The following ASB4 variants were observed in gnomAD, a reference collection of about 807,000 sequenced individuals.
ASB4 encodes the protein ankyrin repeat and SOCS box containing 4.
In ASB4, 35 loss-of-function variants were observed where a neutral mutation model predicts 38.6. The observed-to-expected ratio is 0.91, with a 90% CI of 0.69 to 1.20. The LOEUF (loss-of-function observed/expected upper bound fraction) is 1.20. Ranked by LOEUF, ASB4 falls within the 50% of genes most tolerant of loss-of-function variation. ASB4 has a pLI of 0.00. For missense variants in ASB4, 557 were observed against 527.2 expected (o/e 1.06, Z -0.55); for synonymous variants, 195 against 201.3 (o/e 0.97, Z 0.26).
chr7:95,520,329 C>G lies in ASB4; in HGVS notation c.488-7484C>G, dbSNP rs983121301. On this transcript the variant is annotated intron_variant, in intron 2 of 4. Transcript: ENST00000325885. The stretch of plus-strand genomic sequence containing the variant: ...CCAACTCTTCCAGCCAACTAAGAGA[C>G]TGAACAAAGTGAAAACAATTAACAC... Among the ~76,000 whole-genome samples, 36 of 152,124 alleles carry G rather than the reference C, an allele frequency of 2.4e-4. 1 individual carries two copies. Among genetic ancestry groups the G allele is most frequent in the Non-Finnish European group, 1.5e-5 (1 of 68,032 alleles).
chr7:95,543,179 A>G (rs1232328376), downstream of ASB4: 1 of 152,284 alleles, frequency 6.6e-6, no homozygotes, highest in Non-Finnish European at 1.5e-5. Flanking sequence ...TCAGGAAGCA[A>G]GACATACAAA....
intron 2 of ASB4, among the ~76,000 whole-genome samples, chr7:95,502,069 G>A (rs376873570): frequency 3.2e-4 from 49 of 150,842 alleles, no homozygotes; most frequent in African/African-American, 1.1e-3. Context: ...CTTACTATAC[G>A]CAGAAGTTTT....
At chr7:95,496,123 C>T (rs1790245138) in intron 2 of ASB4, 66 bp downstream of exon 2, 1 of 1,425,756 alleles carries the variant, frequency 7.0e-7, no homozygotes, top group Non-Finnish European at 9.7e-7. Flanking sequence ...GACTTTGTGA[C>T]CCCTACCTAC....
At chr7:95,547,928 G>A in the ASB4 span, among the ~76,000 whole-genome samples, 2 of 152,178 alleles carry the variant, frequency 1.3e-5, no homozygotes, top group African/African-American at 4.8e-5. Flanking sequence ...ATAATCATCT[G>A]AGCCAATCTC....
At chr7:95,547,027 G>A in the ASB4 span, among the ~76,000 whole-genome samples, 2 of 152,098 alleles carry the variant, frequency 1.3e-5, no homozygotes, top group Admixed American at 6.6e-5. Flanking sequence ...GGCGAATTAG[G>A]TTAAGTACCT....
downstream of ASB4, chr7:95,542,204 A>G (rs1425529251): frequency 6.6e-6 from 1 of 152,198 alleles, no homozygotes; most frequent in Non-Finnish European, 1.5e-5. Context: ...TAGTAGCTCA[A>G]GGTTTTGGTT....
At chr7:95,516,722 A>G (rs1454307582) in intron 2 of ASB4, among the ~76,000 whole-genome samples, 1 of 152,268 alleles carries the variant, frequency 6.6e-6, no homozygotes, top group Admixed American at 6.5e-5. Context: ...ATAAGCATTT[A>G]TAAAGCCGAG....
Position 95,503,064 on chromosome 7 carries a change from A to G in ASB4, c.487+7007A>G, listed in dbSNP as rs550124085. Among the ~76,000 whole-genome samples the G allele has an allele frequency of 1.6e-4, 25 of 152,340 alleles. No individual in the cohort carries two copies. The East Asian group carries it at 4.4e-3, about 27-fold the overall frequency. On this transcript the variant is annotated intron_variant, in intron 2 of 4. Coordinates refer to ENST00000325885, the MANE Select transcript of ASB4 (RefSeq NM_016116.3). Reference sequence around the variant, plus strand: ...GTATAGATGTATTTTTCTGAAAATTATATGTGACTATGCATATCAAAATAA... The same window carrying G: ...GTATAGATGTATTTTTCTGAAAATTGTATGTGACTATGCATATCAAAATAA...
chr7:95,528,458 TCTC>T (rs776259872), intron 3 of ASB4, 155 bp downstream of exon 3: 44 of 1,455,886 alleles, frequency 3.0e-5, no homozygotes, highest in Non-Finnish European at 3.5e-5. Context: ...ATCCTAGCTG[TCTC>T]CTCATCTCAT....
upstream of ASB4, among the ~76,000 whole-genome samples, chr7:95,477,242 TC>T (rs1482572220): frequency 1.3e-5 from 2 of 152,176 alleles, no homozygotes; most frequent in African/African-American, 4.8e-5. Flanking sequence ...TGATTCTCTC[TC>T]TAGAAAAACG....
intron 1 of ASB4, among the ~76,000 whole-genome samples, 186 bp downstream of exon 1, chr7:95,486,344 A>G (rs1655542992): frequency 6.6e-6 from 1 of 152,178 alleles, no homozygotes; most frequent in African/African-American, 2.4e-5. Flanking sequence ...TATATGTATA[A>G]GTCGTGTCTC....
At position 95,480,429 on chromosome 7, in the gene ASB4, ACT is replaced by A. The variant is rs1790012922; in HGVS notation, n.157+1832_157+1833del. Among the ~76,000 whole-genome samples the A allele has an allele frequency of 2.0e-5, 3 of 152,080 alleles. No individual in the cohort carries two copies. The South Asian group carries it at 6.2e-4, about 32-fold the overall frequency. Reference sequence around the variant, plus strand: ...CACACCTTTAACAAAATCCTCTCTCACTCTGAATCAGTGCTAGTCAGTGTGAC... The same window carrying A: ...CACACCTTTAACAAAATCCTCTCTCACTGAATCAGTGCTAGTCAGTGTGAC... On this transcript the variant is annotated intron_variant and non_coding_transcript_variant, in intron 1 of 1. Transcript: ENST00000257621.
intron 2 of ASB4, among the ~76,000 whole-genome samples, chr7:95,497,862 A>G (rs1333486383): frequency 1.3e-5 from 2 of 152,224 alleles, no homozygotes; most frequent in Non-Finnish European, 2.9e-5. Context: ...GGACCAATAA[A>G]TTAGACCTTT....
intron 2 of ASB4, among the ~76,000 whole-genome samples, chr7:95,510,945 C>G (rs1284444153): frequency 6.6e-6 from 1 of 152,172 alleles, no homozygotes; most frequent in African/African-American, 2.4e-5. Context: ...TTATTATCCT[C>G]TGAACATTTT....
intron 2 of ASB4, among the ~76,000 whole-genome samples, chr7:95,497,624 T>C (rs1173784747): frequency 1.3e-5 from 2 of 152,214 alleles, no homozygotes; most frequent in East Asian, 3.8e-4. Flanking sequence ...TTGAGAAATA[T>C]TGTTTTTGTG....
In ASB4 at chr7:95,495,915, T is replaced by G; in HGVS notation, c.345T>G (p.Cys115Trp). 1 of 1,614,138 alleles carries G rather than the reference T, an allele frequency of 6.2e-7. No homozygotes were observed. Among genetic ancestry groups the G allele is most frequent in the South Asian group, 1.1e-5 (1 of 91,078 alleles). The stretch of plus-strand genomic sequence containing the variant: ...GGAAAACCCCTCTTCACGTGGCTTG[T>G]GAAATGGCCAATGTGGATTGTGTTA... Reference protein sequence around the residue: ...PNGKTPLHVACEMANVDCVKI... With the variant: ...PNGKTPLHVAWEMANVDCVKI... The change falls in exon 2 of 5, where the codon TGT becomes TGG. Residue 115 changes from cysteine (C) to tryptophan (W), a missense_variant. Physicochemically the swap from Cys to Trp is radical, Grantham distance 215. Transcript: ENST00000325885.
intron 3 of ASB4, among the ~76,000 whole-genome samples, chr7:95,529,250 T>G (rs1259445564): frequency 6.6e-6 from 1 of 152,216 alleles, no homozygotes; most frequent in African/African-American, 2.4e-5. Flanking sequence ...GCATTTTACC[T>G]GAAAATAAAT....
At chr7:95,483,921 G>T (rs1442492692), upstream of ASB4, among the ~76,000 whole-genome samples, 2 of 151,716 alleles carry the variant, frequency 1.3e-5, no homozygotes, top group Non-Finnish European at 2.9e-5. Context: ...CCAATCCCTT[G>T]GTTGAGGAAG....
intron 2 of ASB4, among the ~76,000 whole-genome samples, chr7:95,503,717 A>G (rs1246589419): frequency 6.6e-6 from 1 of 152,346 alleles, no homozygotes; most frequent in East Asian, 1.9e-4. Context: ...TCAGGCTAAC[A>G]TTAAGCTCAG....
Sources: gnomAD v4.1 joint callset for allele counts (sites outside exome capture counted in the v4.1 genomes callset) on GRCh38, gnomAD v4.1.1 for gene constraint, MANE v1.5 for transcripts, NCBI Gene and HGNC (gene_info 2026-07-23, HGNC 2026-07-21) for gene names.